The following TBC1D5 variants were observed in gnomAD, a reference collection of about 807,000 sequenced individuals.
The protein encoded by TBC1D5 is TBC1 domain family, member 5.
TBC1D5 carries 75 observed loss-of-function variants against 100.3 expected under a neutral mutation model. The observed-to-expected ratio is 0.75, with a 90% CI of 0.62 to 0.91. TBC1D5 has a LOEUF of 0.91. TBC1D5 is among the 40% of genes least tolerant of loss of function. The probability of loss-of-function intolerance (pLI) is 0.00; values close to 1 mark genes in which losing one functional copy is unlikely to be tolerated. For missense variants in TBC1D5, 910 were observed against 942.4 expected, an observed-to-expected ratio of 0.97 and a Z score of 0.45; for synonymous variants, 323 against 325.6, an observed-to-expected ratio of 0.99 and a Z score of 0.09.
chr3:17,636,820 T>C (rs2063982197), intron 1 of TBC1D5, among the ~76,000 whole-genome samples: 2 of 151,288 alleles, frequency 1.3e-5, no homozygotes, highest in African/African-American at 4.9e-5. Context: ...AAGAATATAG[T>C]AGTAGCATAA....
intron 8 of TBC1D5, 40 bp downstream of exon 8, chr3:17,403,141 T>C (rs772963747): frequency 9.3e-6 from 14 of 1,502,056 alleles, no homozygotes; most frequent in Non-Finnish European, 5.4e-6. Flanking sequence ...ATAACAACAA[T>C]TTGAATTATT....
At chr3:17,353,391 T>TAATAC (rs1216194193) in intron 13 of TBC1D5, among the ~76,000 whole-genome samples, 3 of 152,084 alleles carry the variant, frequency 2.0e-5, no homozygotes, top group Non-Finnish European at 2.9e-5. Flanking sequence ...TACTGCTTTA[T>TAATAC]AATACACTTT....
At chr3:17,457,255 T>C (rs748429046) in intron 3 of TBC1D5, among the ~76,000 whole-genome samples, 4 of 152,188 alleles carry the variant, frequency 2.6e-5, no homozygotes, top group Non-Finnish European at 5.9e-5. Flanking sequence ...GAAAAATTAT[T>C]AGCCATTATT....
chr3:17,696,537 A>G (rs189355864), intron 1 of TBC1D5, among the ~76,000 whole-genome samples: 1 of 151,982 alleles, frequency 6.6e-6, no homozygotes, highest in East Asian at 1.9e-4. Flanking sequence ...ACAAGACTAA[A>G]CCAAGACTAA....
intron 1 of TBC1D5, chr3:17,706,217 G>A: frequency 6.5e-7 from 1 of 1,549,846 alleles, no homozygotes; most frequent in Non-Finnish European, 8.7e-7. Context: ...CGAGGCCCAG[G>A]CTGTGGAGGC....
chr3:17,240,626 T>A (rs2076228935), intron 16 of TBC1D5, among the ~76,000 whole-genome samples: 1 of 152,160 alleles, frequency 6.6e-6, no homozygotes, highest in South Asian at 2.1e-4. Flanking sequence ...TCTGGCATTA[T>A]ATTCCACTCA....
At chr3:17,210,076 G>A (rs2072752863) in intron 18 of TBC1D5, among the ~76,000 whole-genome samples, 1 of 152,160 alleles carries the variant, frequency 6.6e-6, no homozygotes, top group African/African-American at 2.4e-5. Context: ...CAGGGTACAT[G>A]AGAATCATTT....
intron 1 of TBC1D5, among the ~76,000 whole-genome samples, chr3:17,635,949 T>C (rs577350418): frequency 4.5e-4 from 68 of 152,262 alleles, no homozygotes; most frequent in Admixed American, 1.2e-3. Context: ...TCTCAGCACT[T>C]TGGGAGGCCA....
At chr3:17,464,207 G>A (rs141289701) in intron 3 of TBC1D5, among the ~76,000 whole-genome samples, 6 of 152,062 alleles carry the variant, frequency 3.9e-5, no homozygotes, top group South Asian at 2.1e-4. Flanking sequence ...TGATCTTCCC[G>A]TCTCGGCCTC....
chr3:17,658,793 G>A (rs1012372350), intron 1 of TBC1D5, among the ~76,000 whole-genome samples: 2 of 152,118 alleles, frequency 1.3e-5, no homozygotes, highest in African/African-American at 4.8e-5. Flanking sequence ...CTCCCGAGTA[G>A]CTGGGATTGC....
chr3:17,297,039 T>C (rs1164927390), intron 14 of TBC1D5, among the ~76,000 whole-genome samples: 3 of 152,188 alleles, frequency 2.0e-5, no homozygotes, highest in Non-Finnish European at 2.9e-5. Flanking sequence ...TTTAAATAAA[T>C]AGTGCTGCCA....
chr3:17,401,644 G>C (rs767150689), intron 8 of TBC1D5, among the ~76,000 whole-genome samples: 1 of 151,754 alleles, frequency 6.6e-6, no homozygotes, highest in East Asian at 1.9e-4. Flanking sequence ...TCTGTGACTC[G>C]GCACCAGCGC....
intron 18 of TBC1D5, among the ~76,000 whole-genome samples, chr3:17,213,930 C>A (rs1261839162): frequency 6.8e-6 from 1 of 147,864 alleles, no homozygotes; most frequent in East Asian, 2.0e-4. Context: ...CAGGCTTTGA[C>A]AAAAAGGCAT....
At chr3:17,178,320 C>T (rs559216471) in intron 19 of TBC1D5, among the ~76,000 whole-genome samples, 29 of 152,172 alleles carry the variant, frequency 1.9e-4, no homozygotes, top group Admixed American at 1.6e-3. Flanking sequence ...CCACCTCGGC[C>T]TCCCAAAGTG....
intron 1 of TBC1D5, among the ~76,000 whole-genome samples, chr3:17,725,393 T>A (rs1470745576): frequency 6.6e-6 from 1 of 152,028 alleles, no homozygotes; most frequent in African/African-American, 2.4e-5. Flanking sequence ...AGAAGTATTT[T>A]TTTTTTTTTT....
intron 3 of TBC1D5, among the ~76,000 whole-genome samples, chr3:17,473,969 T>C (rs2095410085): frequency 1.3e-5 from 2 of 152,162 alleles, no homozygotes; most frequent in South Asian, 4.1e-4. Context: ...AGTACAGTAA[T>C]ATCCCACAAG....
At chr3:17,468,975 G>C (rs1435933643) in intron 3 of TBC1D5, among the ~76,000 whole-genome samples, 1 of 152,156 alleles carries the variant, frequency 6.6e-6, no homozygotes, top group African/African-American at 2.4e-5. Flanking sequence ...TTTACCTGAA[G>C]TGACTTTGAA....
At chr3:17,278,193 C>T (rs1464020328) in intron 15 of TBC1D5, among the ~76,000 whole-genome samples, 2 of 152,188 alleles carry the variant, frequency 1.3e-5, no homozygotes, top group East Asian at 3.8e-4. Context: ...TCTCAACTTG[C>T]CCCTGCTAAC....
chr3:17,293,666 A>AC (rs2081974030), intron 14 of TBC1D5, among the ~76,000 whole-genome samples: 1 of 152,224 alleles, frequency 6.6e-6, no homozygotes, highest in Non-Finnish European at 1.5e-5. Context: ...ATAATTATTC[A>AC]GAGTACCTCA....
Sources: allele counts gnomAD v4.1 joint callset (sites outside exome capture counted in the v4.1 genomes callset), GRCh38; gene constraint gnomAD v4.1.1; transcripts MANE v1.5; gene names NCBI Gene and HGNC (gene_info 2026-07-23, HGNC 2026-07-21).